Variants in DNAJC10 observed in about 807,000 individuals in gnomAD.
DNAJC10 encodes the protein endoplasmic reticulum disulfide reductase DNAJC10.
In DNAJC10, 101 loss-of-function variants were observed where a neutral mutation model predicts 115.0. That is an observed-to-expected ratio of 0.88 (90% CI 0.75 to 1.04). DNAJC10 has a LOEUF of 1.04. DNAJC10 is among the 50% of genes least tolerant of loss of function. The pLI is 0.00. For synonymous variants in DNAJC10, 307 were observed against 301.5 expected (o/e 1.02, Z -0.19); for missense variants, 981 against 928.8 (o/e 1.06, Z -0.73).
intron 14 of DNAJC10, among the ~76,000 whole-genome samples, chr2:182,750,881 C>T (rs1452289981): frequency 6.6e-6 from 1 of 152,138 alleles, no homozygotes; most frequent in African/African-American, 2.4e-5. Flanking sequence ...TGTGGTCCAC[C>T]ATTGCCTGAA....
chr2:182,758,702 T>A, intron 19 of DNAJC10, 135 bp from the exon 20 acceptor site: 1 of 650,516 alleles, frequency 1.5e-6, no homozygotes, highest in Non-Finnish European at 2.7e-6. Flanking sequence ...TGTAGCTAGG[T>A]ATATTTGAGA....
intron 12 of DNAJC10, 26 bp from the exon 13 acceptor site, chr2:182,741,217 A>G (rs1382040359): frequency 6.7e-7 from 1 of 1,483,944 alleles, no homozygotes; most frequent in Admixed American, 1.8e-5. Flanking sequence ...CATCTCTGAC[A>G]TTTTGTTTTC....
intron 3 of DNAJC10, among the ~76,000 whole-genome samples, chr2:182,719,798 C>CTTTTTTTTTTTT (rs35682380): frequency 1.6e-5 from 2 of 122,198 alleles, no homozygotes; most frequent in African/African-American, 3.1e-5. Context: ...ACTTTTCTTA[C>CTTTTTTTTTTTT]TTTTTTTTTT....
chr2:182,754,681 G>A (rs1471990079), intron 16 of DNAJC10: 3 of 886,104 alleles, frequency 3.4e-6, no homozygotes, highest in East Asian at 9.0e-5. Context: ...GTTGTTTATA[G>A]CCTCTTCTTA....
intron 14 of DNAJC10, among the ~76,000 whole-genome samples, chr2:182,748,315 C>T (rs1483343729): frequency 1.3e-5 from 2 of 152,170 alleles, no homozygotes; most frequent in Non-Finnish European, 2.9e-5. Context: ...GTACCACTTC[C>T]TCCTTGTACC....
In DNAJC10 at chr2:182,749,621, CTG is replaced by C. The variant is rs1385275936; in HGVS notation, c.1307-2033_1307-2032del. Among the ~76,000 whole-genome samples, 13 of 152,022 alleles carry C rather than the reference CTG, an allele frequency of 8.6e-5. 1 individual carries two copies. The highest frequency in any genetic ancestry group is 3.1e-4 in the African/African-American group (13 of 41,468). On this transcript the variant is annotated intron_variant, in intron 14 of 23. Coordinates refer to ENST00000264065, the MANE Select transcript of DNAJC10 (RefSeq NM_018981.4). ...TTGACTCTTTATCCAATTTGCCAGT[CTG>C]TGTCTTTTAATTGGAGCATTTAGTC...
intron 14 of DNAJC10, among the ~76,000 whole-genome samples, chr2:182,748,516 G>C (rs576731602): frequency 3.1e-4 from 47 of 152,148 alleles, no homozygotes; most frequent in Admixed American, 1.7e-3. Flanking sequence ...GTTTATTTGC[G>C]TAGAGGTGTT....
intron 22 of DNAJC10, among the ~76,000 whole-genome samples, chr2:182,769,154 C>T (rs1046676370): frequency 3.3e-5 from 5 of 152,104 alleles, no homozygotes; most frequent in African/African-American, 9.7e-5. Context: ...AGGACATGAA[C>T]GCATCCTTTT....
At chr2:182,740,532 T>A in intron 12 of DNAJC10, 144 bp downstream of exon 12, 1 of 745,626 alleles carries the variant, frequency 1.3e-6, no homozygotes, top group Non-Finnish European at 2.0e-6. Context: ...TAGTCAATTG[T>A]AGGTTAAATT....
At chr2:182,746,572 G>A (rs1460648433) in intron 14 of DNAJC10, among the ~76,000 whole-genome samples, 1 of 152,040 alleles carries the variant, frequency 6.6e-6, no homozygotes, top group Non-Finnish European at 1.5e-5. Context: ...CCCACTTTTT[G>A]ATGGGGTTGT....
At chr2:182,719,260 T>TTTTTC (rs1693082181) in intron 3 of DNAJC10, among the ~76,000 whole-genome samples, 2 of 143,788 alleles carry the variant, frequency 1.4e-5, no homozygotes, top group Admixed American at 6.9e-5. Flanking sequence ...CTTTTTTTTT[T>TTTTTC]TTTTTTTTTT....
intron 14 of DNAJC10, among the ~76,000 whole-genome samples, chr2:182,749,276 A>C (rs577630887): frequency 0.021 from 2,723 of 132,192 alleles, 34 homozygotes; most frequent in Middle Eastern, 0.062. Flanking sequence ...TCCCATTATT[A>C]ATGTGTGGGA....
chr2:182,759,066 C>G, intron 20 of DNAJC10, 94 bp from the exon 21 acceptor site: 3 of 1,196,148 alleles, frequency 2.5e-6, no homozygotes, highest in Non-Finnish European at 3.5e-6. Context: ...TCCTTGACAT[C>G]ATTTTTAACT....
At chr2:182,730,447 A>C in intron 8 of DNAJC10, 1 of 355,560 alleles carries the variant, frequency 2.8e-6, no homozygotes, top group Non-Finnish European at 5.6e-6. Flanking sequence ...GCAGTAATAA[A>C]ATATATAGTC....
intron 22 of DNAJC10, among the ~76,000 whole-genome samples, chr2:182,769,098 A>G (rs1475736165): frequency 6.6e-6 from 1 of 152,052 alleles, no homozygotes; most frequent in African/African-American, 2.4e-5. Context: ...TCCTTGTGAT[A>G]GTTTGCTGAG....
chr2:182,774,371 A>T (rs1694648299), intron 22 of DNAJC10, among the ~76,000 whole-genome samples: 1 of 152,124 alleles, frequency 6.6e-6, no homozygotes, highest in Non-Finnish European at 1.5e-5. Context: ...GAGAACCACC[A>T]CTGTCTTCAG....
intron 11 of DNAJC10, among the ~76,000 whole-genome samples, chr2:182,738,013 GCTTT>G: frequency 6.6e-6 from 1 of 152,198 alleles, no homozygotes; most frequent in East Asian, 1.9e-4. Flanking sequence ...TCAGGAAGAT[GCTTT>G]CTTATTTAAA....
At chr2:182,767,451 C>T (rs1694442808) in intron 22 of DNAJC10, among the ~76,000 whole-genome samples, 1 of 152,156 alleles carries the variant, frequency 6.6e-6, no homozygotes, top group South Asian at 2.1e-4. Flanking sequence ...CATTTCCTGA[C>T]CCATGATAAC....
intron 11 of DNAJC10, chr2:182,739,868 T>C: frequency 2.0e-6 from 2 of 987,892 alleles, no homozygotes; most frequent in Non-Finnish European, 2.4e-6. Flanking sequence ...TAGTCTATTA[T>C]TCTTCCTTCT....
Sources: allele counts gnomAD v4.1 joint callset (sites outside exome capture counted in the v4.1 genomes callset), GRCh38; gene constraint gnomAD v4.1.1; transcripts MANE v1.5; gene names NCBI Gene and HGNC (gene_info 2026-07-23, HGNC 2026-07-21).